The following GPR149 variants were observed in gnomAD, a reference collection of about 807,000 sequenced individuals.
The protein encoded by GPR149 is probable G protein-coupled receptor 149.
Under a neutral mutation model 50.2 loss-of-function variants are expected in GPR149, and 50 were observed. That is an observed-to-expected ratio of 1.00 (90% confidence interval 0.79 to 1.26). The LOEUF (loss-of-function observed/expected upper bound fraction) is 1.26, where lower values mean the gene tolerates loss of function less well. Among genes scored for constraint, GPR149 ranks in the 50% most tolerant of loss-of-function variants. The probability of loss-of-function intolerance (pLI) is 0.00; values close to 1 mark genes in which losing one functional copy is unlikely to be tolerated. For synonymous variants in GPR149, 405 were observed against 358.2 expected, an observed-to-expected ratio of 1.13 and a Z score of -1.48; for missense variants, 983 against 895.4, an observed-to-expected ratio of 1.10 and a Z score of -1.25.
At chr3:154,351,966 T>C (rs1714091276) in intron 3 of GPR149, among the ~76,000 whole-genome samples, 1 of 152,090 alleles carries the variant, frequency 6.6e-6, no homozygotes, top group African/African-American at 2.4e-5. Flanking sequence ...ACTGAATAGG[T>C]AGATTTGTTT....
intron 3 of GPR149, among the ~76,000 whole-genome samples, chr3:154,401,666 GA>G (rs201383120): frequency 9.3e-5 from 14 of 150,408 alleles, no homozygotes; most frequent in Admixed American, 7.3e-4. Context: ...GGAAAAACAG[GA>G]AAAAAAAACC....
At chr3:154,378,017 T>C (rs1714831741) in intron 3 of GPR149, among the ~76,000 whole-genome samples, 1 of 151,900 alleles carries the variant, frequency 6.6e-6, no homozygotes, top group Non-Finnish European at 1.5e-5. Context: ...TTTCATGTGG[T>C]AGGATGTATC....
chr3:154,385,085 T>G (rs1036480168), intron 3 of GPR149, among the ~76,000 whole-genome samples: 7 of 152,326 alleles, frequency 4.6e-5, no homozygotes, highest in Admixed American at 2.0e-4. Flanking sequence ...TCCTAAAGGA[T>G]AAAAGTGTGA....
intron 3 of GPR149, among the ~76,000 whole-genome samples, chr3:154,340,689 GA>G (rs138050464): frequency 0.096 from 14,639 of 152,256 alleles, 1,241 homozygotes; most frequent in East Asian, 0.39. Context: ...GGGGACATGT[GA>G]AATTGATCTT....
intron 2 of GPR149, among the ~76,000 whole-genome samples, chr3:154,424,833 C>G (rs1264820078): frequency 6.7e-6 from 1 of 150,144 alleles, no homozygotes; most frequent in Non-Finnish European, 1.5e-5. Flanking sequence ...CTTATAAAAA[C>G]AAATCATTTT....
At chr3:154,410,263 A>T (rs1711799679) in intron 3 of GPR149, among the ~76,000 whole-genome samples, 2 of 152,096 alleles carry the variant, frequency 1.3e-5, no homozygotes, top group South Asian at 4.1e-4. Flanking sequence ...CTCAAAATAC[A>T]CCAAAACAGA....
intron 3 of GPR149, among the ~76,000 whole-genome samples, chr3:154,381,295 C>A (rs1714917090): frequency 1.3e-5 from 2 of 152,270 alleles, no homozygotes; most frequent in East Asian, 1.9e-4. Flanking sequence ...TCATCCGTTC[C>A]ATTCACATTG....
At chr3:154,355,181 C>A (rs930875503) in intron 3 of GPR149, among the ~76,000 whole-genome samples, 3 of 152,076 alleles carry the variant, frequency 2.0e-5, no homozygotes, top group Non-Finnish European at 4.4e-5. Flanking sequence ...GTCCGTGCCA[C>A]CAGGCCCAGC....
intron 3 of GPR149, among the ~76,000 whole-genome samples, chr3:154,390,884 A>T (rs1606882): frequency 0.1 from 15,607 of 152,180 alleles, 882 homozygotes; most frequent in East Asian, 0.22. Context: ...CAGCAGAAAC[A>T]TTGCATGCCA....
chr3:154,419,638 G>C (rs2108428456), intron 3 of GPR149, among the ~76,000 whole-genome samples: 1 of 152,156 alleles, frequency 6.6e-6, no homozygotes. Context: ...TAATCTGTAA[G>C]GGGTAATCAC....
At chr3:154,428,271 G>A (rs1418846779) in intron 1 of GPR149, among the ~76,000 whole-genome samples, 1 of 152,206 alleles carries the variant, frequency 6.6e-6, no homozygotes, top group Non-Finnish European at 1.5e-5. Flanking sequence ...GATGACAGAA[G>A]GTTGTGGGGA....
Position 154,420,107 on chromosome 3 carries a change from T to C in GPR149, c.1623+932A>G, listed in dbSNP as rs1003441323. 4.6e-5 allele frequency among the ~76,000 whole-genome samples: 7 copies of C among 152,068 alleles called. No homozygotes were observed. The South Asian group carries it at 1.4e-3, about 31-fold the overall frequency. On this transcript the variant is annotated intron_variant, in intron 3 of 3. Transcript: ENST00000389740. Reference sequence around the variant, plus strand: ...CTGCTCATATTTATAGTTGGTGTTATATGATCATACTTTTGATCAATGAGT... The same window carrying C: ...CTGCTCATATTTATAGTTGGTGTTACATGATCATACTTTTGATCAATGAGT...
intron 3 of GPR149, among the ~76,000 whole-genome samples, chr3:154,375,252 T>C (rs372388842): frequency 2.0e-5 from 3 of 152,312 alleles, no homozygotes; most frequent in East Asian, 1.9e-4. Context: ...CTTCAATAGT[T>C]CCATGCCAAA....
rs374094022 is a variant in GPR149, at chr3:154,428,572, C to T, written c.981+63G>A. On this transcript the variant is annotated intron_variant, in intron 1 of 3. Transcript: ENST00000389740. Reference sequence around the variant, plus strand: ...GACTCCCCAAACCGGCGACGCCGGTCCCAACACTCATTTACACTGTCTGGC... The same window carrying T: ...GACTCCCCAAACCGGCGACGCCGGTTCCAACACTCATTTACACTGTCTGGC... 2.0e-6 allele frequency: 3 copies of T among 1,525,748 alleles called. No individual in the cohort carries two copies. The East Asian group carries it at 6.8e-5, about 35-fold the overall frequency. The allele number at this position is 1,525,748 out of a possible 1,614,324, so 94.5% of individuals were successfully genotyped here.
chr3:154,417,276 G>A (rs926953892), intron 3 of GPR149, among the ~76,000 whole-genome samples: 8 of 151,936 alleles, frequency 5.3e-5, no homozygotes, highest in Admixed American at 5.2e-4. Flanking sequence ...TAATTGTGTG[G>A]CCATGTTTAA....
chr3:154,349,240 A>G (rs1460732832), intron 3 of GPR149, among the ~76,000 whole-genome samples: 2 of 152,176 alleles, frequency 1.3e-5, no homozygotes, highest in Non-Finnish European at 2.9e-5. Context: ...AGCAAATATA[A>G]AGGAGGAAAA....
intron 3 of GPR149, among the ~76,000 whole-genome samples, chr3:154,380,645 C>A (rs1190702560): frequency 6.6e-6 from 1 of 152,066 alleles, no homozygotes; most frequent in Non-Finnish European, 1.5e-5. Flanking sequence ...TCCTTGAAAT[C>A]AATTAAATTC....
At chr3:154,397,210 G>A (rs1254212754) in intron 3 of GPR149, among the ~76,000 whole-genome samples, 1 of 152,066 alleles carries the variant, frequency 6.6e-6, no homozygotes, top group Admixed American at 6.6e-5. Context: ...GTAAAGGACA[G>A]GCTCATAAAT....
At chr3:154,352,643 A>C in intron 3 of GPR149, 1 of 778,560 alleles carries the variant, frequency 1.3e-6, no homozygotes, top group Admixed American at 1.7e-5. Flanking sequence ...ATGTGGGCTA[A>C]AGTTGCAGCC....
Sources: gnomAD v4.1 joint callset for allele counts (sites outside exome capture counted in the v4.1 genomes callset) on GRCh38, gnomAD v4.1.1 for gene constraint, MANE v1.5 for transcripts, NCBI Gene and HGNC (gene_info 2026-07-23, HGNC 2026-07-21) for gene names.